DRC11: variants seen among roughly 807,000 people sequenced by gnomAD.
DRC11 encodes the protein IQ and AAA domain-containing protein 1.
chr2:236,389,319 A>G, the DRC11 span, among the ~76,000 whole-genome samples: 498 of 152,210 alleles, frequency 3.3e-3, 4 homozygotes, highest in African/African-American at 0.01. Flanking sequence ...GCGAGACTCC[A>G]TGGGCGTAGG....
chr2:236,326,640 A>AT, the DRC11 span, among the ~76,000 whole-genome samples: 2 of 150,402 alleles, frequency 1.3e-5, no homozygotes, highest in African/African-American at 2.5e-5. Flanking sequence ...TTCTCATTTC[A>AT]TTTTTTTCCA....
chr2:236,354,384 T>C, the DRC11 span, among the ~76,000 whole-genome samples: 1 of 152,052 alleles, frequency 6.6e-6, no homozygotes, highest in South Asian at 2.1e-4. Flanking sequence ...AACAGGAACA[T>C]GTTGATGCAA....
the DRC11 span, chr2:236,507,389 T>C: frequency 2.0e-6 from 2 of 983,412 alleles, no homozygotes; most frequent in Non-Finnish European, 3.2e-6. Flanking sequence ...TGGGGGGTCT[T>C]CTGGAGGGAG....
At chr2:236,482,251 A>G in the DRC11 span, among the ~76,000 whole-genome samples, 21 of 152,176 alleles carry the variant, frequency 1.4e-4, no homozygotes, top group East Asian at 4.1e-3. The surrounding 1 kb of genome is among the most constrained non-coding windows in gnomAD (Gnocchi z 4.5). Flanking sequence ...TTATACAGGG[A>G]CATCATACAT....
the DRC11 span, among the ~76,000 whole-genome samples, chr2:236,471,675 G>C: frequency 6.6e-6 from 1 of 152,108 alleles, no homozygotes; most frequent in Non-Finnish European, 1.5e-5. This position sits in a 1 kb window ranked among gnomAD's most constrained non-coding sequence, Gnocchi z 4.6. Context: ...ACAAATCTAT[G>C]AGCTAGGCGT....
chr2:236,308,924 C>A, the DRC11 span, among the ~76,000 whole-genome samples: 1 of 152,176 alleles, frequency 6.6e-6, no homozygotes, highest in Non-Finnish European at 1.5e-5. This position sits in a 1 kb window ranked among gnomAD's most constrained non-coding sequence, Gnocchi z 6.0. Flanking sequence ...AAAAAAGGAA[C>A]ACGTGCTTCT....
the DRC11 span, among the ~76,000 whole-genome samples, chr2:236,429,620 G>A: frequency 1.3e-5 from 2 of 152,130 alleles, no homozygotes; most frequent in African/African-American, 2.4e-5. The surrounding 1 kb of genome is among the most constrained non-coding windows in gnomAD (Gnocchi z 5.9). Flanking sequence ...TGCAGTAGGT[G>A]CTCTGGGTCC....
the DRC11 span, among the ~76,000 whole-genome samples, chr2:236,398,774 A>T: frequency 6.6e-6 from 1 of 152,214 alleles, no homozygotes; most frequent in Non-Finnish European, 1.5e-5. This position sits in a 1 kb window ranked among gnomAD's most constrained non-coding sequence, Gnocchi z 6.2. Context: ...ATTGAGGCAC[A>T]CATCTTAGTT....
the DRC11 span, among the ~76,000 whole-genome samples, chr2:236,395,621 T>C: frequency 3.3e-4 from 50 of 152,198 alleles, no homozygotes; most frequent in Non-Finnish European, 6.3e-4. Flanking sequence ...AACTTCAAAA[T>C]GTAGGAATAA....
the DRC11 span, among the ~76,000 whole-genome samples, chr2:236,425,778 A>G: frequency 2.0e-5 from 3 of 151,940 alleles, no homozygotes; most frequent in African/African-American, 4.8e-5. Flanking sequence ...TCTTTTGTTC[A>G]TGGCTTTCAC....
chr2:236,449,925 G>C, the DRC11 span, among the ~76,000 whole-genome samples: 1 of 152,120 alleles, frequency 6.6e-6, no homozygotes, highest in Non-Finnish European at 1.5e-5. The surrounding 1 kb of genome is among the most constrained non-coding windows in gnomAD (Gnocchi z 5.1). Flanking sequence ...AAAGAAAAAG[G>C]GACAGGAGGA....
At chr2:236,484,600 C>CTT in the DRC11 span, among the ~76,000 whole-genome samples, 4 of 137,494 alleles carry the variant, frequency 2.9e-5, no homozygotes, top group Admixed American at 7.2e-5. Flanking sequence ...ATATTCTTGG[C>CTT]TTTTTTTTTT....
At chr2:236,357,122 A>C in the DRC11 span, among the ~76,000 whole-genome samples, 1 of 132,466 alleles carries the variant, frequency 7.5e-6, no homozygotes, top group South Asian at 2.2e-4. Flanking sequence ...TCTATATATT[A>C]TATATTCGTA....
the DRC11 span, chr2:236,346,875 G>A: frequency 1.8e-5 from 3 of 164,080 alleles, no homozygotes; most frequent in Admixed American, 6.5e-5. Flanking sequence ...TGTGCATTAA[G>A]AGGCAAAACG....
the DRC11 span, among the ~76,000 whole-genome samples, chr2:236,370,683 A>C: frequency 6.6e-6 from 1 of 152,164 alleles, no homozygotes; most frequent in Non-Finnish European, 1.5e-5. The surrounding 1 kb of genome is among the most constrained non-coding windows in gnomAD (Gnocchi z 5.5). Flanking sequence ...AAAGTGATAT[A>C]AAGAAAATAA....
the DRC11 span, among the ~76,000 whole-genome samples, chr2:236,504,111 C>T: frequency 6.6e-6 from 1 of 152,234 alleles, no homozygotes; most frequent in African/African-American, 2.4e-5. The surrounding 1 kb of genome is among the most constrained non-coding windows in gnomAD (Gnocchi z 5.0). Flanking sequence ...CCATTCCCCA[C>T]TCCTCCCTGC....
the DRC11 span, among the ~76,000 whole-genome samples, chr2:236,357,260 ATT>A: frequency 2.2e-5 from 2 of 89,178 alleles, no homozygotes; most frequent in East Asian, 5.4e-4. Flanking sequence ...ATATCTATAT[ATT>A]ATAAATATAC....
At chr2:236,424,206 A>G in the DRC11 span, among the ~76,000 whole-genome samples, 7 of 152,206 alleles carry the variant, frequency 4.6e-5, no homozygotes, top group African/African-American at 1.7e-4. Context: ...TGTAAAAAAA[A>G]ACTTTCAGAA....
the DRC11 span, among the ~76,000 whole-genome samples, chr2:236,411,920 T>C: frequency 1.5e-5 from 2 of 132,180 alleles, no homozygotes; most frequent in African/African-American, 5.6e-5. Context: ...GGGGGAGGGA[T>C]AGCATTGGGA....
Sources: allele counts gnomAD v4.1 joint callset (sites outside exome capture counted in the v4.1 genomes callset), GRCh38; gene constraint gnomAD v4.1.1; non-coding constraint Gnocchi (gnomAD v3.1); transcripts MANE v1.5; gene names NCBI Gene and HGNC (gene_info 2026-07-23, HGNC 2026-07-21).